Variants in PPP1R9A observed in about 807,000 individuals in gnomAD.
PPP1R9A encodes protein phosphatase 1 regulatory subunit 9A.
PPP1R9A carries 59 observed loss-of-function variants against 141.9 expected under a neutral mutation model. The observed-to-expected ratio is 0.42, with a 90% CI of 0.34 to 0.52. PPP1R9A has a LOEUF of 0.52. Ranked by LOEUF, PPP1R9A falls within the 20% of genes least tolerant of loss-of-function variation. PPP1R9A has a pLI of 0.10. For missense variants in PPP1R9A, 1,444 were observed against 1,611.9 expected, an observed-to-expected ratio of 0.90 and a Z score of 1.78; for synonymous variants, 500 against 569.7, an observed-to-expected ratio of 0.88 and a Z score of 1.74.
intron 8 of PPP1R9A, among the ~76,000 whole-genome samples, chr7:95,233,601 AAAG>A (rs1181548250): frequency 2.0e-5 from 3 of 152,194 alleles, no homozygotes; most frequent in East Asian, 3.9e-4. Context: ...TCAGACATTC[AAAG>A]AAGAATTGGT....
chr7:95,076,807 C>T (rs974798260), intron 2 of PPP1R9A, among the ~76,000 whole-genome samples: 4 of 152,034 alleles, frequency 2.6e-5, no homozygotes, highest in East Asian at 1.9e-4. Context: ...TATTTTCTCT[C>T]ATTATTGTAT....
intron 8 of PPP1R9A, among the ~76,000 whole-genome samples, chr7:95,233,505 T>G (rs1292497876): frequency 2.0e-5 from 3 of 151,880 alleles, no homozygotes; most frequent in African/African-American, 2.4e-5. Flanking sequence ...TCCCAGAACT[T>G]AAAGTATAAT....
At position 95,269,413 on chromosome 7, in the gene PPP1R9A, C is replaced by T. The variant is rs765952522; in HGVS notation, c.3030C>T (p.Asp1010=). 4.4e-6 allele frequency: 7 copies of T among 1,593,866 alleles called. No homozygotes were observed. Among genetic ancestry groups the T allele is most frequent in the Non-Finnish European group, 5.1e-6 (6 of 1,175,096 alleles). The change falls in exon 14 of 20, where the codon GAC becomes GAT. Residue 1010 remains aspartate (D), a synonymous_variant. Coordinates refer to ENST00000433360, the MANE Select transcript of PPP1R9A (RefSeq NM_001166160.2). The part of the protein sequence containing the change: ...EMGPLSSMWG[D]TSLFSTSKSD... ...GGCCTCTCTCCTCTATGTGGGGAGA[C>T]ACTTCACTGTTTTCTACTTCAAAGT... is the stretch of plus-strand genomic sequence containing the variant.
At chr7:95,182,688 A>G (rs1834032718) in intron 5 of PPP1R9A, among the ~76,000 whole-genome samples, 1 of 152,174 alleles carries the variant, frequency 6.6e-6, no homozygotes. Context: ...TGGATTTTGT[A>G]CTTATTCCTA....
chr7:95,085,675 A>G (rs1476264347), intron 2 of PPP1R9A, among the ~76,000 whole-genome samples: 1 of 151,938 alleles, frequency 6.6e-6, no homozygotes, highest in East Asian at 1.9e-4. Flanking sequence ...TTGGCCTCCC[A>G]AAGTGCTGAG....
rs1421019481 is a variant in PPP1R9A, at chr7:95,083,568, G to A, written c.1396-27691G>A. 2.0e-5 allele frequency among the ~76,000 whole-genome samples: 3 copies of A among 151,852 alleles called. 1 individual carries two copies. Among genetic ancestry groups the A allele is most frequent in the African/African-American group, 7.3e-5 (3 of 41,178 alleles). Reference sequence around the variant, plus strand: ...GTGTACCTTAACACTTCAGAGCTCTGCTGCAAAGACTAGGAAACATAGTGG... The same window carrying A: ...GTGTACCTTAACACTTCAGAGCTCTACTGCAAAGACTAGGAAACATAGTGG... On this transcript the variant is annotated intron_variant, in intron 2 of 19. Transcript: ENST00000433360.
intron 2 of PPP1R9A, among the ~76,000 whole-genome samples, chr7:94,987,206 A>G (rs144819270): frequency 6.6e-6 from 1 of 152,352 alleles, no homozygotes; most frequent in East Asian, 1.9e-4. Flanking sequence ...TTTTAAACCT[A>G]GCTTTGGCTG....
rs983995551 is a variant in PPP1R9A at position 95,292,427 on chromosome 7, T to G, written c.*2124T>G. On this transcript the variant is annotated 3_prime_UTR_variant, in exon 20 of 20. Transcript: ENST00000433360. The stretch of plus-strand genomic sequence containing the variant: ...GTTTCACTGTATTCAAGAGTAGAAA[T>G]AGAAGGATGATTATCTTAAGTTATG... 1 of 152,592 alleles carries G rather than the reference T, an allele frequency of 6.6e-6. No individual in the cohort carries two copies. Among genetic ancestry groups the G allele is most frequent in the African/African-American group, 2.4e-5 (1 of 41,428 alleles). 9.5% of individuals were successfully genotyped at this position (152,592 alleles called of 1,614,324 possible).
At position 95,129,295 on chromosome 7, in the gene PPP1R9A, G is replaced by A. The variant is rs569182543; in HGVS notation, c.1649+8463G>A. On this transcript the variant is annotated intron_variant, in intron 4 of 19. Coordinates refer to ENST00000433360, the MANE Select transcript of PPP1R9A (RefSeq NM_001166160.2). ...GTGGAGGCATTCCTACATTATTCTTGTGATAGTGAATGAACCTCATGAGAT... is the reference window on the plus strand; with the variant it reads ...GTGGAGGCATTCCTACATTATTCTTATGATAGTGAATGAACCTCATGAGAT... 2.3e-3 allele frequency among the ~76,000 whole-genome samples: 357 copies of A among 152,198 alleles called. 2 individuals carry two copies. The highest frequency in any genetic ancestry group is 8.2e-3 in the African/African-American group (341 of 41,536).
At chr7:95,109,501 G>A (rs7796914) in intron 2 of PPP1R9A, among the ~76,000 whole-genome samples, 69,176 of 151,946 alleles carry the variant, frequency 0.46, 16,777 homozygotes, top group Middle Eastern at 0.54. Context: ...AGGAAGTGAA[G>A]GATCAAAAGA....
intron 12 of PPP1R9A, among the ~76,000 whole-genome samples, chr7:95,256,374 T>A (rs1409650630): frequency 6.6e-6 from 1 of 152,096 alleles, no homozygotes; most frequent in African/African-American, 2.4e-5. Context: ...AAAATACATA[T>A]AATTATTTCA....
chr7:95,259,122 G>A (rs765629144), intron 12 of PPP1R9A, among the ~76,000 whole-genome samples: 48 of 152,036 alleles, frequency 3.2e-4, no homozygotes, highest in Non-Finnish European at 6.5e-4. Flanking sequence ...TCACTACCAC[G>A]CATCTGAAGT....
intron 2 of PPP1R9A, among the ~76,000 whole-genome samples, chr7:95,077,934 C>T (rs1287089786): frequency 6.6e-6 from 1 of 150,742 alleles, no homozygotes; most frequent in Non-Finnish European, 1.5e-5. Flanking sequence ...AGCTTTTCTT[C>T]ATAGATCTAA....
intron 2 of PPP1R9A, among the ~76,000 whole-genome samples, chr7:95,080,986 A>G (rs1165618060): frequency 6.6e-6 from 1 of 152,222 alleles, no homozygotes; most frequent in Non-Finnish European, 1.5e-5. Flanking sequence ...CAATTTACAT[A>G]TCTGCTTGTT....
At chr7:95,221,474 C>T (rs1794449073) in intron 7 of PPP1R9A, among the ~76,000 whole-genome samples, 1 of 152,034 alleles carries the variant, frequency 6.6e-6, no homozygotes, top group South Asian at 2.1e-4. Context: ...ATCTATAGCT[C>T]TCATGAGTGT....
intron 2 of PPP1R9A, among the ~76,000 whole-genome samples, chr7:94,998,187 T>A (rs1802430426): frequency 6.6e-6 from 1 of 152,124 alleles, no homozygotes; most frequent in Non-Finnish European, 1.5e-5. Context: ...CCTCCTTTTT[T>A]AAAAAATGAA....
chr7:95,184,388 G>C (rs973026415), intron 5 of PPP1R9A, among the ~76,000 whole-genome samples: 1 of 152,108 alleles, frequency 6.6e-6, no homozygotes, highest in Non-Finnish European at 1.5e-5. Flanking sequence ...ATATTTGTTT[G>C]AATGAAATTA....
chr7:94,988,207 C>A (rs114311535), intron 2 of PPP1R9A, among the ~76,000 whole-genome samples: 217 of 151,980 alleles, frequency 1.4e-3, no homozygotes, highest in African/African-American at 5.1e-3. Flanking sequence ...AGACATAACC[C>A]AAATATGTGT....
intron 2 of PPP1R9A, among the ~76,000 whole-genome samples, chr7:94,972,090 G>A (rs1194288565): frequency 1.3e-5 from 2 of 152,132 alleles, no homozygotes; most frequent in East Asian, 3.9e-4. Flanking sequence ...GATGACCCAG[G>A]CACACATAGA....
Sources: allele counts gnomAD v4.1 joint callset (sites outside exome capture counted in the v4.1 genomes callset), GRCh38; gene constraint gnomAD v4.1.1; transcripts MANE v1.5; gene names NCBI Gene and HGNC (gene_info 2026-07-23, HGNC 2026-07-21).